TMED4: variants seen among roughly 807,000 people sequenced by gnomAD.
The protein encoded by TMED4 is transmembrane p24 trafficking protein 4.
TMED4 carries 19 observed loss-of-function variants against 26.5 expected under a neutral mutation model. The ratio of observed to expected loss-of-function variants is 0.72; its 90% CI spans 0.50 to 1.05. TMED4 has a LOEUF of 1.05. TMED4 is among the 50% of genes least tolerant of loss of function. TMED4 has a pLI of 0.00. For synonymous variants in TMED4, 121 were observed against 119.8 expected (o/e 1.01, Z -0.07); for missense variants, 303 against 302.5 (o/e 1.00, Z -0.01).
At position 44,580,596 on chromosome 7, in the gene TMED4, G is replaced by C. The variant is rs184511873; in HGVS notation, c.534+497C>G. 5.9e-4 allele frequency: 95 copies of C among 160,794 alleles called. 1 individual carries two copies. Among genetic ancestry groups the C allele is most frequent in the Non-Finnish European group, 1.0e-3 (74 of 72,868 alleles). 10.0% of individuals were successfully genotyped at this position (160,794 alleles called of 1,614,324 possible). A position where few individuals can be genotyped will look rare whatever the true frequency, so the allele number is the denominator to read the frequency against. On this transcript the variant is annotated intron_variant, in intron 4 of 4. Coordinates refer to ENST00000457408, the MANE Select transcript of TMED4 (RefSeq NM_182547.4). ...GCACTTAATACCACTGAACTATATAGACAGTTAAAATGACACATTTGGTGT... is the reference window on the plus strand; with the variant it reads ...GCACTTAATACCACTGAACTATATACACAGTTAAAATGACACATTTGGTGT...
intron 4 of TMED4, chr7:44,579,846 C>G (rs1802924924): frequency 2.5e-6 from 1 of 393,918 alleles, no homozygotes; most frequent in East Asian, 3.8e-5. Context: ...AATCATGATC[C>G]TACCATTTCC....
chr7:44,579,912 C>T, intron 4 of TMED4: 2 of 264,028 alleles, frequency 7.6e-6, no homozygotes, highest in Non-Finnish European at 1.4e-5. Flanking sequence ...TGTGAACTGT[C>T]CTTTCTTCAT....
In TMED4 at chr7:44,579,609, C is replaced by G; in HGVS notation, c.554G>C (p.Arg185Pro). The stretch of plus-strand genomic sequence containing the variant: ...CTGGTTGGTGCTCTCGCTCGTCAGT[C>G]GGAAGCGCTCTTCACGATACTGTGT... ...DYQRYREERFRLTSESTNQRV... is the reference protein window; with the variant it reads ...DYQRYREERFPLTSESTNQRV... Residue 185 changes from arginine (R) to proline (P), a missense_variant, in exon 5 of 5, where the codon CGA becomes CCA. Coordinates refer to ENST00000457408, the MANE Select transcript of TMED4 (RefSeq NM_182547.4). 1 of 1,613,960 alleles carries G rather than the reference C, an allele frequency of 6.2e-7. No individual in the cohort carries two copies. Among genetic ancestry groups the G allele is most frequent in the Non-Finnish European group, 8.5e-7 (1 of 1,179,892 alleles).
In TMED4 at chr7:44,581,838, CAT is replaced by C. The variant is rs1562591563; in HGVS notation, c.161-17_161-16del. On this transcript the variant is annotated splice_polypyrimidine_tract_variant and intron_variant, in intron 1 of 4. Coordinates refer to ENST00000457408, the MANE Select transcript of TMED4 (RefSeq NM_182547.4). The stretch of plus-strand genomic sequence containing the variant: ...ACGATAGTTGCCTGCGGGGCAGACA[CAT>C]AGTCACGACCGGCCCTAGTGGGCCG... 2 of 1,613,446 alleles carry C rather than the reference CAT, an allele frequency of 1.2e-6. No individual in the cohort carries two copies. The highest frequency in any genetic ancestry group is 1.7e-4 in the Middle Eastern group (1 of 6,054).
At position 44,579,269 on chromosome 7, in the gene TMED4, C is replaced by T. The variant is rs1380429435; in HGVS notation, c.*210G>A. 3 of 474,724 alleles carry T rather than the reference C, an allele frequency of 6.3e-6. No individual in the cohort carries two copies. Among genetic ancestry groups the T allele is most frequent in the Non-Finnish European group, 1.1e-5 (3 of 267,424 alleles). The allele number at this position is 474,724 out of a possible 1,614,324, so 29.4% of individuals were successfully genotyped here. A position where few individuals can be genotyped will look rare whatever the true frequency, so the allele number is the denominator to read the frequency against. On this transcript the variant is annotated 3_prime_UTR_variant, in exon 5 of 5. Transcript: ENST00000457408. The stretch of plus-strand genomic sequence containing the variant: ...GGGTTAGTTCTGATTCCTCACAAGC[C>T]CTAAGACAAGATTTTGAAAGATTGG...
Position 44,579,449 on chromosome 7 carries a change from G to A in TMED4, c.*30C>T. On this transcript the variant is annotated 3_prime_UTR_variant, in exon 5 of 5. Transcript: ENST00000457408. Reference sequence around the variant, plus strand: ...GTGGGGAAAGTACCAAATAAATGAGGTAAAAAGGAAGGGTCATACAAAGAG... The same window carrying A: ...GTGGGGAAAGTACCAAATAAATGAGATAAAAAGGAAGGGTCATACAAAGAG... The A allele has an allele frequency of 1.9e-6, 3 of 1,597,868 alleles. No homozygotes were observed. Among genetic ancestry groups the A allele is most frequent in the Non-Finnish European group, 2.6e-6 (3 of 1,169,366 alleles).
At position 44,581,793 on chromosome 7, in the gene TMED4, T is replaced by G; in HGVS notation, c.191A>C (p.Gln64Pro). ...GNYRTQMWDK[Q>P]KEVFLPSTPG... Reference sequence around the variant, plus strand: ...GGTCGAGGGCAGGAAGACCTCCTTCTGCTTATCCCACATCTGGGTACGATA... The same window carrying G: ...GGTCGAGGGCAGGAAGACCTCCTTCGGCTTATCCCACATCTGGGTACGATA... The change falls in exon 2 of 5, where the codon CAG becomes CCG. Residue 64 changes from glutamine to proline, a missense_variant. Coordinates refer to ENST00000457408, the MANE Select transcript of TMED4 (RefSeq NM_182547.4). 1 of 1,614,220 alleles carries G rather than the reference T, an allele frequency of 6.2e-7. No homozygotes were observed. The highest frequency in any genetic ancestry group is 8.5e-7 in the Non-Finnish European group (1 of 1,180,036).
intron 1 of TMED4, 79 bp from the exon 2 acceptor site, chr7:44,581,902 G>A: frequency 6.3e-7 from 1 of 1,584,398 alleles, no homozygotes; most frequent in Admixed American, 1.7e-5. Flanking sequence ...GCGGCCCGGA[G>A]CTCTAGGCAG....
At chr7:44,581,689 G>A (rs367596536) in intron 2 of TMED4, 34 bp downstream of exon 2, 1 of 1,613,936 alleles carries the variant, frequency 6.2e-7, no homozygotes, top group Non-Finnish European at 8.5e-7. Context: ...GAGCTCCACT[G>A]AAGAACGGCT....
Position 44,578,942 on chromosome 7 carries a change from C to T in TMED4, c.*537G>A, listed in dbSNP as rs528149404. 1.3e-5 allele frequency: 2 copies of T among 150,260 alleles called. No homozygotes were observed. Among genetic ancestry groups the T allele is most frequent in the African/African-American group, 4.9e-5 (2 of 40,822 alleles). 9.3% of individuals were successfully genotyped at this position (150,260 alleles called of 1,614,324 possible). On this transcript the variant is annotated 3_prime_UTR_variant, in exon 5 of 5. Coordinates refer to ENST00000457408, the MANE Select transcript of TMED4 (RefSeq NM_182547.4). ...ATTGGTATTTTGAGCTAGTTACAGG[C>T]AGTAACACTTCTACTAGGAAGGAAA...
Position 44,581,787 on chromosome 7 carries a change from T to A in TMED4, c.197A>T (p.Glu66Val). The change falls in exon 2 of 5, where the codon GAG (glutamate) becomes GTG (valine). Residue 66 changes from glutamate to valine, a missense_variant. Physicochemically the swap from Glu to Val is moderately radical, Grantham distance 121 (BLOSUM62 -2). Coordinates refer to ENST00000457408, the MANE Select transcript of TMED4 (RefSeq NM_182547.4). ...GCCAGGGGTCGAGGGCAGGAAGACC[T>A]CCTTCTGCTTATCCCACATCTGGGT... ...YRTQMWDKQKEVFLPSTPGLG... is the reference protein window; with the variant it reads ...YRTQMWDKQKVVFLPSTPGLG... 1 of 1,614,162 alleles carries A rather than the reference T, an allele frequency of 6.2e-7. No homozygotes were observed. The highest frequency in any genetic ancestry group is 8.5e-7 in the Non-Finnish European group (1 of 1,180,010).
At chr7:44,581,653 T>C (rs1475410757) in intron 2 of TMED4, 70 bp downstream of exon 2, 13 of 1,613,694 alleles carry the variant, frequency 8.1e-6, no homozygotes, top group African/African-American at 1.3e-5. Flanking sequence ...TGAGGCCTCC[T>C]CCAGGCAGTG....
Position 44,581,825 on chromosome 7 carries a change from T to C in TMED4, c.161-2A>G. ...CCCACATCTGGGTACGATAGTTGCCTGCGGGGCAGACACATAGTCACGACC... is the reference window on the plus strand; with the variant it reads ...CCCACATCTGGGTACGATAGTTGCCCGCGGGGCAGACACATAGTCACGACC... On this transcript the variant is annotated splice_acceptor_variant, in intron 1 of 4. Transcript: ENST00000457408. LOFTEE classifies it high-confidence loss of function. The C allele has an allele frequency of 6.2e-7, 1 of 1,614,082 alleles. No homozygotes were observed. The highest frequency in any genetic ancestry group is 8.5e-7 in the Non-Finnish European group (1 of 1,179,978).
intron 4 of TMED4, chr7:44,580,431 T>A (rs1406978580): frequency 6.6e-6 from 1 of 152,136 alleles, no homozygotes; most frequent in Non-Finnish European, 1.5e-5. Context: ...TGAGCCGAGA[T>A]GGCGCCACTG....
rs138742264 is a variant in TMED4 at position 44,579,553 on chromosome 7, C to T, written c.610G>A (p.Val204Ile). 38 of 1,614,040 alleles carry T rather than the reference C, an allele frequency of 2.4e-5. No individual in the cohort carries two copies. Among genetic ancestry groups the T allele is most frequent in the South Asian group, 6.6e-5 (6 of 91,088 alleles). ...CAGATGCCAGTGAGGATGAGGATGA[C>T]AGTCTGAGCAATGGACCACCATAGG... ...RVLWWSIAQT[V>I]ILILTGIWQM... The change falls in exon 5 of 5, where the codon GTC (valine) becomes ATC (isoleucine). Residue 204 changes from valine to isoleucine, a missense_variant. Transcript: ENST00000457408.
chr7:44,579,723 A>G, intron 4 of TMED4, 95 bp from the exon 5 acceptor site: 4 of 1,363,988 alleles, frequency 2.9e-6, no homozygotes, highest in Non-Finnish European at 4.1e-6. Context: ...CCAGGACCAA[A>G]CTCCTTTTGG....
In TMED4 at chr7:44,581,956, G is replaced by T. The variant is rs555992293; in HGVS notation, c.160+91C>A. 3.3e-5 allele frequency: 51 copies of T among 1,529,238 alleles called. No homozygotes were observed. In the East Asian group the frequency reaches 1.1e-3, roughly 33 times the overall value. The allele number at this position is 1,529,238 out of a possible 1,614,324, so 94.7% of individuals were successfully genotyped here. On this transcript the variant is annotated intron_variant, in intron 1 of 4. Coordinates refer to ENST00000457408, the MANE Select transcript of TMED4 (RefSeq NM_182547.4). ...GGCACCCTCAGGCTAGGTACTGGGG[G>T]AGCCAGCGACCCGGCTGGGCTCGGG...
At chr7:44,581,696 G>A in intron 2 of TMED4, 27 bp downstream of exon 2, 1 of 1,613,990 alleles carries the variant, frequency 6.2e-7, no homozygotes, top group Non-Finnish European at 8.5e-7. Flanking sequence ...ACTGAAGAAC[G>A]GCTGCGTGGG....
Position 44,581,431 on chromosome 7 carries a change from A to G in TMED4, c.387+18T>C. 1 of 1,614,148 alleles carries G rather than the reference A, an allele frequency of 6.2e-7. No homozygotes were observed. Among genetic ancestry groups the G allele is most frequent in the South Asian group, 1.1e-5 (1 of 91,082 alleles). On this transcript the variant is annotated intron_variant, in intron 3 of 4. Coordinates refer to ENST00000457408, the MANE Select transcript of TMED4 (RefSeq NM_182547.4). Reference sequence around the variant, plus strand: ...AGTGAGAGATTCTAAGCTGAAGCCAAAGAGAAAATCCTCTTACCAGTTTGC... The same window carrying G: ...AGTGAGAGATTCTAAGCTGAAGCCAGAGAGAAAATCCTCTTACCAGTTTGC...
Sources: allele counts gnomAD v4.1 joint callset, GRCh38; gene constraint gnomAD v4.1.1; transcripts MANE v1.5; gene names NCBI Gene and HGNC (gene_info 2026-07-23, HGNC 2026-07-21).